NR3C1: variants seen among roughly 807,000 people sequenced by gnomAD.
The protein encoded by NR3C1 is nuclear receptor subfamily 3 group C member 1, also known as glucocorticoid receptor.
Under a neutral mutation model 74.0 loss-of-function variants are expected in NR3C1, and 14 were observed. That is an observed-to-expected ratio of 0.19 (90% CI 0.12 to 0.30). NR3C1 has a LOEUF of 0.30. NR3C1 is among the 10% of genes least tolerant of loss of function. NR3C1 has a pLI of 1.00. For synonymous variants in NR3C1, 308 were observed against 332.5 expected, an observed-to-expected ratio of 0.93 and a Z score of 0.80; for missense variants, 695 against 909.8, an observed-to-expected ratio of 0.76 and a Z score of 3.04.
Position 143,397,563 on chromosome 5 carries a change from G to A in NR3C1, c.1184+2093C>T, listed in dbSNP as rs527420525. On this transcript the variant is annotated intron_variant, in intron 2 of 8. Coordinates refer to ENST00000394464, the MANE Select transcript of NR3C1 (RefSeq NM_000176.3). ...TCCCAGTGCTAAGTTAATGCCATAA[G>A]GTATAAAATCTTCAAATATTAACAA... 2.0e-5 allele frequency among the ~76,000 whole-genome samples: 3 copies of A among 151,908 alleles called. No individual in the cohort carries two copies. In the South Asian group the frequency reaches 6.2e-4, roughly 31 times the overall value.
chr5:143,283,872 T>G (rs1251093306), intron 7 of NR3C1, among the ~76,000 whole-genome samples: 1 of 152,136 alleles, frequency 6.6e-6, no homozygotes, highest in Admixed American at 6.5e-5. Context: ...GACAAAGGAT[T>G]TGGTGGTCAA....
intron 2 of NR3C1, chr5:143,389,918 C>G: frequency 4.1e-6 from 4 of 979,072 alleles, no homozygotes; most frequent in Non-Finnish European, 4.9e-6. Flanking sequence ...TTTCTTAGCT[C>G]TGAAAACTTA....
chr5:143,417,374 T>C (rs1600672874), intron 1 of NR3C1, among the ~76,000 whole-genome samples: 1 of 152,012 alleles, frequency 6.6e-6, no homozygotes, highest in South Asian at 2.1e-4. Context: ...GAATATGGAG[T>C]GGGATGTCAT....
At chr5:143,332,563 T>G in intron 2 of NR3C1, 2 of 862,380 alleles carry the variant, frequency 2.3e-6, no homozygotes, top group Non-Finnish European at 3.6e-6. Context: ...AAATAAAAAT[T>G]ATAATTAAAA....
intron 1 of NR3C1, among the ~76,000 whole-genome samples, chr5:143,426,256 C>T (rs1443717667): frequency 1.3e-5 from 2 of 152,022 alleles, no homozygotes; most frequent in Admixed American, 6.6e-5. Context: ...CTAATAGAAC[C>T]AGAGTTTATT....
intron 6 of NR3C1, among the ~76,000 whole-genome samples, chr5:143,297,789 T>C (rs1817622062): frequency 6.6e-6 from 1 of 152,184 alleles, no homozygotes; most frequent in South Asian, 2.1e-4. Context: ...CTGCTGTGTA[T>C]CTGGTGATGT....
chr5:143,360,499 G>T (rs548102127), intron 2 of NR3C1, among the ~76,000 whole-genome samples: 137 of 152,228 alleles, frequency 9.0e-4, no homozygotes, highest in African/African-American at 3.2e-3. Flanking sequence ...GTAGCTAATT[G>T]GATCACTGTT....
chr5:143,385,566 C>T (rs1160926772), intron 2 of NR3C1, among the ~76,000 whole-genome samples: 3 of 152,166 alleles, frequency 2.0e-5, no homozygotes, highest in Non-Finnish European at 4.4e-5. Context: ...ATTTCTTCTG[C>T]CACGAACTCT....
intron 1 of NR3C1, chr5:143,434,502 C>T: frequency 1.0e-6 from 1 of 977,012 alleles, no homozygotes; most frequent in Non-Finnish European, 1.2e-6. Context: ...CTTTACCCAG[C>T]TATAGAATGG....
chr5:143,405,946 G>C (rs895648713), upstream of NR3C1, among the ~76,000 whole-genome samples: 8 of 151,922 alleles, frequency 5.3e-5, no homozygotes, highest in Non-Finnish European at 7.4e-5. Flanking sequence ...CGTTAATTTG[G>C]CCCCTAAACT....
intron 7 of NR3C1, among the ~76,000 whole-genome samples, chr5:143,291,912 C>G (rs1408540373): frequency 6.6e-6 from 1 of 152,156 alleles, no homozygotes; most frequent in African/African-American, 2.4e-5. Flanking sequence ...TGTAAATTCC[C>G]TATCTGATAA....
chr5:143,427,871 A>G (rs1037211141), intron 1 of NR3C1, among the ~76,000 whole-genome samples: 12 of 152,198 alleles, frequency 7.9e-5, no homozygotes, highest in Admixed American at 5.2e-4. Context: ...TTTAACCACA[A>G]TTCCTACCGA....
Position 143,281,769 on chromosome 5 carries a change from A to C in NR3C1, c.*120T>G. 1 of 1,158,598 alleles carries C rather than the reference A, an allele frequency of 8.6e-7. No homozygotes were observed. The highest frequency in any genetic ancestry group is 1.3e-5 in the South Asian group (1 of 74,460). The allele number at this position is 1,158,598 out of a possible 1,614,324, so 71.8% of individuals were successfully genotyped here. A position where few individuals can be genotyped will look rare whatever the true frequency, so the allele number is the denominator to read the frequency against. On this transcript the variant is annotated 3_prime_UTR_variant, in exon 9 of 9. Coordinates refer to ENST00000394464, the MANE Select transcript of NR3C1 (RefSeq NM_000176.3). ...CACATGTAGTGCGTATTTAAAACAA[A>C]ACAACAGATGAAAACAATAAAAAAT...
intron 2 of NR3C1, among the ~76,000 whole-genome samples, chr5:143,385,170 G>A (rs1836959396): frequency 6.6e-6 from 1 of 152,178 alleles, no homozygotes; most frequent in Non-Finnish European, 1.5e-5. Flanking sequence ...GGGATGCAGG[G>A]CACCATGTCC....
chr5:143,418,082 G>T (rs1334202260), intron 1 of NR3C1, among the ~76,000 whole-genome samples: 1 of 152,180 alleles, frequency 6.6e-6, no homozygotes, highest in Non-Finnish European at 1.5e-5. Context: ...AAGTCTCATT[G>T]ATTTGCCAAG....
chr5:143,428,781 A>G lies in NR3C1; in HGVS notation c.-14+5751T>C, dbSNP rs116342280. ...AAATGATTTTGTTCATCAGCCAACAATTTTTGCTATAAAAGCAAAGCAATG... is the reference window on the plus strand; with the variant it reads ...AAATGATTTTGTTCATCAGCCAACAGTTTTTGCTATAAAAGCAAAGCAATG... On this transcript the variant is annotated intron_variant, in intron 1 of 8. Coordinates refer to the NR3C1 transcript ENST00000343796. Among the ~76,000 whole-genome samples, 214 of 152,278 alleles carry G rather than the reference A, an allele frequency of 1.4e-3. 1 individual carries two copies. Among genetic ancestry groups the G allele is most frequent in the African/African-American group, 4.9e-3 (205 of 41,564 alleles).
intron 3 of NR3C1, among the ~76,000 whole-genome samples, chr5:143,313,000 A>G (rs912231069): frequency 2.0e-5 from 3 of 152,224 alleles, no homozygotes; most frequent in Non-Finnish European, 4.4e-5. Context: ...TTGCTAATGT[A>G]TTAAAAAGTA....
At position 143,310,240 on chromosome 5, in the gene NR3C1, A is replaced by T. The variant is rs146116176; in HGVS notation, c.1352-27T>A. ...TATATGGAATAAAAGGCACTATTAA[A>T]GTTTCACAGGTCTTCAAACATATTT... On this transcript the variant is annotated intron_variant, in intron 3 of 8. Coordinates refer to ENST00000394464, the MANE Select transcript of NR3C1 (RefSeq NM_000176.3). The T allele has an allele frequency of 3.4e-6, 5 of 1,472,252 alleles. No homozygotes were observed. In the South Asian group the frequency reaches 4.5e-5, roughly 13 times the overall value. The allele number at this position is 1,472,252 out of a possible 1,614,324, so 91.2% of individuals were successfully genotyped here. A position where few individuals can be genotyped will look rare whatever the true frequency, so the allele number is the denominator to read the frequency against.
At chr5:143,282,515 A>G (rs1449308627) in intron 8 of NR3C1, 53 bp downstream of exon 8, 2 of 1,607,482 alleles carry the variant, frequency 1.2e-6, no homozygotes, top group Non-Finnish European at 1.7e-6. Flanking sequence ...CACTAATCAA[A>G]ACATACTTTG....
Sources: allele counts gnomAD v4.1 joint callset (sites outside exome capture counted in the v4.1 genomes callset), GRCh38; gene constraint gnomAD v4.1.1; transcripts MANE v1.5; gene names NCBI Gene and HGNC (gene_info 2026-07-23, HGNC 2026-07-21).